MARCHF6: variants seen among roughly 807,000 people sequenced by gnomAD.
MARCHF6 encodes E3 ubiquitin-protein ligase MARCHF6.
Under a neutral mutation model 133.7 loss-of-function variants are expected in MARCHF6, and 31 were observed. The ratio of observed to expected loss-of-function variants is 0.23; its 90% CI spans 0.17 to 0.31. The LOEUF (loss-of-function observed/expected upper bound fraction) is 0.31. Ranked by LOEUF, MARCHF6 falls within the 10% of genes least tolerant of loss-of-function variation. The pLI, the probability that MARCHF6 is intolerant of heterozygous loss-of-function variation, is 1.00. For synonymous variants in MARCHF6, 395 were observed against 402.5 expected, an observed-to-expected ratio of 0.98 and a Z score of 0.22; for missense variants, 723 against 1,121.6, an observed-to-expected ratio of 0.64 and a Z score of 5.08.
intron 22 of MARCHF6, 53 bp downstream of exon 22, chr5:10,417,457 A>G (rs1739572475): frequency 1.9e-6 from 3 of 1,607,310 alleles, no homozygotes; most frequent in Non-Finnish European, 2.5e-6. Context: ...GAGATCAGAA[A>G]ATAATCCTAG....
At chr5:10,357,962 G>A (rs1004666324) in intron 1 of MARCHF6, among the ~76,000 whole-genome samples, 1 of 135,374 alleles carries the variant, frequency 7.4e-6, no homozygotes, top group South Asian at 2.4e-4. Flanking sequence ...GAGGGCATGG[G>A]TTGCTTTTTT....
chr5:10,376,800 G>A (rs1003587941), intron 1 of MARCHF6, among the ~76,000 whole-genome samples: 2 of 152,180 alleles, frequency 1.3e-5, no homozygotes, highest in African/African-American at 4.8e-5. Context: ...ACTTGAATCC[G>A]ATGGATGTCA....
rs769158475 is a variant in MARCHF6, at chr5:10,377,791, T to C, written c.20-7T>C. Reference sequence around the variant, plus strand: ...AAGGAAATTCAATTTTCCTTTTTCATTGGCAGACATATGTAGAGTGTGTCG... The same window carrying C: ...AAGGAAATTCAATTTTCCTTTTTCACTGGCAGACATATGTAGAGTGTGTCG... On this transcript the variant is annotated splice_polypyrimidine_tract_variant and splice_region_variant and intron_variant, in intron 1 of 25. Transcript: ENST00000274140. 6.3e-7 allele frequency: 1 copy of C among 1,599,902 alleles called. No homozygotes were observed. Among genetic ancestry groups the C allele is most frequent in the South Asian group, 1.1e-5 (1 of 90,428 alleles).
At chr5:10,406,080 A>G (rs1339218885) in intron 16 of MARCHF6, among the ~76,000 whole-genome samples, 1 of 152,142 alleles carries the variant, frequency 6.6e-6, no homozygotes, top group Non-Finnish European at 1.5e-5. Flanking sequence ...CGGGAACCCT[A>G]TTGGGAACTG....
intron 10 of MARCHF6, among the ~76,000 whole-genome samples, chr5:10,397,699 C>T (rs1738275946): frequency 6.6e-6 from 1 of 152,136 alleles, no homozygotes; most frequent in South Asian, 2.1e-4. Context: ...TTGTTTTCAT[C>T]TGTCAAAATC....
chr5:10,411,272 C>A, intron 18 of MARCHF6, 61 bp from the exon 19 acceptor site: 1 of 1,302,926 alleles, frequency 7.7e-7, no homozygotes, highest in South Asian at 1.2e-5. Flanking sequence ...AAATGAGTGT[C>A]ATGTCTGCCA....
At position 10,410,830 on chromosome 5, in the gene MARCHF6, A is replaced by G. The variant is rs111909170; in HGVS notation, c.1692-503A>G. On this transcript the variant is annotated intron_variant, in intron 18 of 25. Transcript: ENST00000274140. ...TCGTCCTCTAACTGCTTCCTCCCCC[A>G]GTCTCATTTCTGACCTAACTGATTT... Among the ~76,000 whole-genome samples the G allele has an allele frequency of 7.4e-3, 1,131 of 152,292 alleles. 17 individuals are homozygous for G. Among genetic ancestry groups the G allele is most frequent in the African/African-American group, 0.026 (1,095 of 41,568 alleles).
intron 1 of MARCHF6, chr5:10,354,125 G>GCGGGGACCCTGCCGGGCAGGGGC (rs1272652405): frequency 8.2e-6 from 3 of 363,858 alleles, no homozygotes; most frequent in Admixed American, 4.9e-5. Context: ...GCCGAGGGGG[G>GCGGGGACCCTGCCGGGCAGGGGC]CGGGGACCCT....
chr5:10,387,585 G>GCTGGGATTAC (rs1737564225), intron 5 of MARCHF6, among the ~76,000 whole-genome samples: 1 of 152,192 alleles, frequency 6.6e-6, no homozygotes, highest in Non-Finnish European at 1.5e-5. Flanking sequence ...TTACAGGCGT[G>GCTGGGATTAC]AGCCACCGCG....
intron 8 of MARCHF6, 70 bp from the exon 9 acceptor site, chr5:10,394,683 C>T (rs561050220): frequency 1.6e-6 from 2 of 1,226,286 alleles, no homozygotes; most frequent in Non-Finnish European, 2.4e-6. Flanking sequence ...GAAAATGAGG[C>T]TTTTCATAAA....
intron 25 of MARCHF6, among the ~76,000 whole-genome samples, chr5:10,430,267 A>G (rs1292316579): frequency 6.8e-6 from 1 of 147,904 alleles, no homozygotes; most frequent in Non-Finnish European, 1.5e-5. Context: ...ACTGGGTGAA[A>G]CTGTTTTGGA....
At chr5:10,411,644 C>T (rs577244736) in intron 19 of MARCHF6, 107 bp downstream of exon 19, 12 of 751,728 alleles carry the variant, frequency 1.6e-5, no homozygotes, top group Non-Finnish European at 2.3e-5. Flanking sequence ...TCTGTGTAGA[C>T]ATGTTCCACA....
intron 16 of MARCHF6, among the ~76,000 whole-genome samples, chr5:10,406,291 A>C (rs1187251512): frequency 6.6e-6 from 1 of 152,186 alleles, no homozygotes; most frequent in Admixed American, 6.5e-5. Flanking sequence ...GCATTGAAGC[A>C]ATGGAGACTT....
chr5:10,381,976 A>T (rs1398256607), intron 4 of MARCHF6, 33 bp downstream of exon 4: 2 of 1,590,884 alleles, frequency 1.3e-6, no homozygotes, highest in East Asian at 4.5e-5. Context: ...GGAGTTATTT[A>T]AACATTGCAT....
chr5:10,363,214 C>A (rs925510445), intron 1 of MARCHF6, among the ~76,000 whole-genome samples: 9 of 152,212 alleles, frequency 5.9e-5, no homozygotes, highest in African/African-American at 2.2e-4. Flanking sequence ...TTCAGAATTT[C>A]TTTCAAAATT....
intron 5 of MARCHF6, among the ~76,000 whole-genome samples, chr5:10,389,920 G>A (rs1294799714): frequency 6.6e-6 from 1 of 152,162 alleles, no homozygotes; most frequent in Non-Finnish European, 1.5e-5. Context: ...AACTCTTAGA[G>A]TTGGACAGAG....
chr5:10,374,535 G>A (rs1473191219), intron 1 of MARCHF6, among the ~76,000 whole-genome samples: 2 of 152,254 alleles, frequency 1.3e-5, no homozygotes, highest in Admixed American at 6.5e-5. Flanking sequence ...TATTTTGTTT[G>A]TGTTGGAACT....
chr5:10,419,581 A>T (rs1739720573), intron 22 of MARCHF6, among the ~76,000 whole-genome samples: 1 of 152,006 alleles, frequency 6.6e-6, no homozygotes, highest in Non-Finnish European at 1.5e-5. Context: ...AGAGTAGTCA[A>T]ATAGTATCTG....
chr5:10,354,194 C>T (rs1735296763), intron 1 of MARCHF6, among the ~76,000 whole-genome samples: 1 of 152,070 alleles, frequency 6.6e-6, no homozygotes, highest in Non-Finnish European at 1.5e-5. Flanking sequence ...CCGGCGTGGC[C>T]TCCCTTGTCC....
Sources: gnomAD v4.1 joint callset for allele counts (sites outside exome capture counted in the v4.1 genomes callset) on GRCh38, gnomAD v4.1.1 for gene constraint, MANE v1.5 for transcripts, NCBI Gene and HGNC (gene_info 2026-07-23, HGNC 2026-07-21) for gene names.